DLGAP2: variants seen among roughly 807,000 people sequenced by gnomAD.
DLGAP2 encodes DLG associated protein 2.
In DLGAP2, 26 loss-of-function variants were observed where a neutral mutation model predicts 100.3. The observed-to-expected ratio is 0.26, with a 90% CI of 0.19 to 0.36. The LOEUF is 0.36. Among genes scored for constraint, DLGAP2 ranks in the 10% least tolerant of loss-of-function variants. DLGAP2 has a pLI of 1.00. For missense variants in DLGAP2, 1,858 were observed against 1,453.2 expected, an observed-to-expected ratio of 1.28 and a Z score of -4.53; for synonymous variants, 886 against 630.1, an observed-to-expected ratio of 1.41 and a Z score of -6.08.
At chr8:1,050,452 C>T (rs60660054) in intron 2 of DLGAP2, among the ~76,000 whole-genome samples, 9,034 of 152,220 alleles carry the variant, frequency 0.059, 873 homozygotes, top group African/African-American at 0.21. Flanking sequence ...TGCACATTCA[C>T]GCTGGGCAAA....
intron 2 of DLGAP2, among the ~76,000 whole-genome samples, chr8:1,180,069 T>C (rs1797346582): frequency 6.6e-6 from 1 of 152,230 alleles, no homozygotes; most frequent in Non-Finnish European, 1.5e-5. Context: ...TTGTTGAATG[T>C]TCATGTTGTA....
At chr8:1,244,609 C>G (rs1437097503) in intron 2 of DLGAP2, among the ~76,000 whole-genome samples, 10 of 15,782 alleles carry the variant, frequency 6.3e-4, no homozygotes, top group African/African-American at 3.6e-3. Context: ...CACCCCAAAT[C>G]CAGCCCCATA....
chr8:973,408 G>T (rs1410974062), intron 2 of DLGAP2, among the ~76,000 whole-genome samples: 5 of 151,796 alleles, frequency 3.3e-5, no homozygotes, highest in Admixed American at 6.5e-5. Flanking sequence ...GGGCGGCCGG[G>T]CAGAGACGCT....
intron 3 of DLGAP2, among the ~76,000 whole-genome samples, chr8:1,450,766 G>T (rs1024500810): frequency 3.3e-5 from 5 of 152,136 alleles, no homozygotes; most frequent in Non-Finnish European, 7.3e-5. Context: ...CTATGTCTCT[G>T]CGCTCAACGT....
intron 1 of DLGAP2, among the ~76,000 whole-genome samples, chr8:765,598 C>T (rs1355417923): frequency 6.6e-6 from 1 of 152,084 alleles, no homozygotes; most frequent in Non-Finnish European, 1.5e-5. Flanking sequence ...CCAAAATGGT[C>T]CTGAAACAAC....
intron 3 of DLGAP2, among the ~76,000 whole-genome samples, chr8:1,484,560 C>T (rs1799189763): frequency 6.6e-6 from 1 of 152,212 alleles, no homozygotes; most frequent in African/African-American, 2.4e-5. Context: ...CCAGAACAGC[C>T]ATCCAGACAC....
At chr8:1,239,764 A>G (rs1287666877) in intron 2 of DLGAP2, among the ~76,000 whole-genome samples, 139 of 26,538 alleles carry the variant, frequency 5.2e-3, no homozygotes, top group African/African-American at 8.7e-3. Flanking sequence ...CTCACATGGC[A>G]CCGTGTCTAG....
chr8:1,676,515 C>T lies in DLGAP2; in HGVS notation c.2203-18C>T, dbSNP rs187398862. 15 of 1,608,702 alleles carry T rather than the reference C, an allele frequency of 9.3e-6. No individual in the cohort carries two copies. Among genetic ancestry groups the T allele is most frequent in the Middle Eastern group, 1.7e-4 (1 of 6,058 alleles). On this transcript the variant is annotated intron_variant, in intron 10 of 14. Transcript: ENST00000637795. Reference sequence around the variant, plus strand: ...CCCATGTTTCAGTTCTAAAATAAGACGTTCTCTGTTGAATTAGGTGGAAAC... The same window carrying T: ...CCCATGTTTCAGTTCTAAAATAAGATGTTCTCTGTTGAATTAGGTGGAAAC...
chr8:816,213 T>G (rs999707361), intron 1 of DLGAP2, among the ~76,000 whole-genome samples: 1 of 152,180 alleles, frequency 6.6e-6, no homozygotes, highest in Non-Finnish European at 1.5e-5. Context: ...ACATTCAATG[T>G]TAGTATTGAG....
intron 3 of DLGAP2, chr8:1,369,967 G>T (rs1353025998): frequency 2.6e-5 from 4 of 152,254 alleles, no homozygotes; most frequent in Non-Finnish European, 4.4e-5. Flanking sequence ...TGAAATCTCA[G>T]AGTGATGGGG....
chr8:1,457,559 A>T (rs1584923568), intron 3 of DLGAP2, among the ~76,000 whole-genome samples: 2 of 152,218 alleles, frequency 1.3e-5, no homozygotes, highest in South Asian at 4.1e-4. Context: ...TTTAATTCTG[A>T]TAAGACAGAT....
intron 2 of DLGAP2, among the ~76,000 whole-genome samples, chr8:1,025,130 G>A (rs1299131127): frequency 6.6e-6 from 1 of 151,992 alleles, no homozygotes; most frequent in Non-Finnish European, 1.5e-5. Flanking sequence ...ATGTGCGTGT[G>A]CATGTGTGTG....
At chr8:1,070,834 T>C (rs1210995281) in intron 2 of DLGAP2, among the ~76,000 whole-genome samples, 3 of 152,208 alleles carry the variant, frequency 2.0e-5, no homozygotes, top group South Asian at 2.1e-4. Flanking sequence ...TGAGCTGGGC[T>C]GTGGTTGTTC....
At position 1,630,431 on chromosome 8, in the gene DLGAP2, G is replaced by A. The variant is rs114435223; in HGVS notation, c.1591-2396G>A. 9.8e-3 allele frequency among the ~76,000 whole-genome samples: 1,491 copies of A among 152,202 alleles called. 24 individuals carry two copies. The highest frequency in any genetic ancestry group is 0.034 in the African/African-American group (1,412 of 41,530). On this transcript the variant is annotated intron_variant, in intron 7 of 14. Transcript: ENST00000637795. ...TGAAAGTTTGCCCTTGGCCAGTCGCGGTGGCTCACGCCTGTAATCCCAGCA... is the reference window on the plus strand; with the variant it reads ...TGAAAGTTTGCCCTTGGCCAGTCGCAGTGGCTCACGCCTGTAATCCCAGCA...
At chr8:1,320,142 G>T (rs1431941837) in intron 3 of DLGAP2, among the ~76,000 whole-genome samples, 2 of 152,076 alleles carry the variant, frequency 1.3e-5, no homozygotes, top group East Asian at 3.9e-4. Context: ...GGGCTGAAGG[G>T]GACGGCCTGT....
chr8:1,127,487 C>T (rs191814110), intron 2 of DLGAP2, among the ~76,000 whole-genome samples: 33 of 152,216 alleles, frequency 2.2e-4, no homozygotes, highest in African/African-American at 6.7e-4. Context: ...TGCTTTTCCC[C>T]GGAGGGTGCT....
chr8:1,350,339 G>A (rs1427121353), intron 3 of DLGAP2, among the ~76,000 whole-genome samples: 2 of 95,638 alleles, frequency 2.1e-5, no homozygotes, highest in Non-Finnish European at 4.2e-5. Flanking sequence ...AAGGCCGTGC[G>A]GGTCCTGACA....
chr8:1,459,130 G>C (rs6985340), intron 3 of DLGAP2, among the ~76,000 whole-genome samples: 9,691 of 19,204 alleles, frequency 0.5, 1,785 homozygotes, highest in East Asian at 0.71. Context: ...ATGCGTAGAC[G>C]CCAGGGGTCA....
intron 2 of DLGAP2, among the ~76,000 whole-genome samples, chr8:1,213,484 C>T (rs1231045455): frequency 6.6e-6 from 1 of 152,170 alleles, no homozygotes; most frequent in Non-Finnish European, 1.5e-5. Context: ...ATATTGCTCA[C>T]ATTATAATGT....
Sources: gnomAD v4.1 joint callset for allele counts (sites outside exome capture counted in the v4.1 genomes callset) on GRCh38, gnomAD v4.1.1 for gene constraint, MANE v1.5 for transcripts, NCBI Gene and HGNC (gene_info 2026-07-23, HGNC 2026-07-21) for gene names.